Variants in GPC5 observed in about 807,000 individuals in gnomAD.
GPC5 encodes the protein glypican 5, also known as glypican-5.
GPC5 carries 47 observed loss-of-function variants against 53.9 expected under a neutral mutation model. The ratio of observed to expected loss-of-function variants is 0.87; its 90% CI spans 0.69 to 1.11. The LOEUF is 1.11. GPC5 is among the 50% of genes most tolerant of loss of function. GPC5 has a pLI of 0.00. For synonymous variants in GPC5, 286 were observed against 263.3 expected, an observed-to-expected ratio of 1.09 and a Z score of -0.84; for missense variants, 748 against 713.1, an observed-to-expected ratio of 1.05 and a Z score of -0.56.
chr13:91,865,304 T>G (rs1288810280), intron 5 of GPC5, among the ~76,000 whole-genome samples: 4 of 152,184 alleles, frequency 2.6e-5, no homozygotes, highest in African/African-American at 9.7e-5. Context: ...TGAAGAGTTT[T>G]TTTCTTTTCT....
intron 2 of GPC5, among the ~76,000 whole-genome samples, chr13:91,543,402 A>G (rs2030081248): frequency 6.6e-6 from 1 of 152,188 alleles, no homozygotes; most frequent in South Asian, 2.1e-4. Context: ...GTATTTATTT[A>G]TTATGAATTT....
At chr13:92,577,682 G>T (rs962162430) in intron 7 of GPC5, among the ~76,000 whole-genome samples, 5 of 152,026 alleles carry the variant, frequency 3.3e-5, no homozygotes, top group African/African-American at 1.2e-4. Flanking sequence ...TATAAGTTTT[G>T]CTTTCATTTA....
At chr13:91,822,766 GT>G (rs1394804868) in intron 5 of GPC5, among the ~76,000 whole-genome samples, 1 of 152,110 alleles carries the variant, frequency 6.6e-6, no homozygotes, top group Non-Finnish European at 1.5e-5. Context: ...AAAGTTTGCT[GT>G]TGAAGGAGGA....
At chr13:92,382,279 C>T (rs9589532) in intron 7 of GPC5, among the ~76,000 whole-genome samples, 10,645 of 151,822 alleles carry the variant, frequency 0.07, 657 homozygotes, top group African/African-American at 0.17. Context: ...TATACTGCTC[C>T]GGTGATGGGT....
intron 5 of GPC5, among the ~76,000 whole-genome samples, chr13:91,889,317 CATAAA>C (rs1341031782): frequency 2.6e-5 from 4 of 152,076 alleles, no homozygotes; most frequent in African/African-American, 9.7e-5. Flanking sequence ...TATTTCATTT[CATAAA>C]ATAAACTATG....
chr13:91,582,663 G>T (rs1043862219), intron 2 of GPC5, among the ~76,000 whole-genome samples: 2 of 152,090 alleles, frequency 1.3e-5, no homozygotes, highest in Non-Finnish European at 2.9e-5. Flanking sequence ...AAGATCAAAG[G>T]AGGGCAATTA....
intron 7 of GPC5, among the ~76,000 whole-genome samples, chr13:92,848,932 A>G (rs901676888): frequency 1.3e-5 from 2 of 152,154 alleles, no homozygotes; most frequent in African/African-American, 4.8e-5. Flanking sequence ...GAGTGCAAGC[A>G]TAGAAAAATT....
rs1291128678 is a variant in GPC5, at chr13:92,736,283, T to A, written c.1562-129999T>A. On this transcript the variant is annotated intron_variant, in intron 7 of 7. Coordinates refer to ENST00000377067, the MANE Select transcript of GPC5 (RefSeq NM_004466.6). The stretch of plus-strand genomic sequence containing the variant: ...TCACCCAAATATATTCTGCTTTGAG[T>A]AGCCACAGTTACCTTTGTCAGGAAG... Among the ~76,000 whole-genome samples, 4 of 152,024 alleles carry A rather than the reference T, an allele frequency of 2.6e-5. No individual in the cohort carries two copies. In the East Asian group the frequency reaches 7.8e-4, roughly 30 times the overall value.
intron 1 of GPC5, among the ~76,000 whole-genome samples, chr13:91,432,561 T>C (rs906936252): frequency 6.6e-6 from 1 of 152,200 alleles, no homozygotes; most frequent in African/African-American, 2.4e-5. Flanking sequence ...GTGAATATTA[T>C]GTTGACCTTA....
chr13:92,426,915 G>A (rs1876861474), intron 7 of GPC5, among the ~76,000 whole-genome samples: 1 of 151,830 alleles, frequency 6.6e-6, no homozygotes, highest in Admixed American at 6.6e-5. Context: ...GAAAAAGAGA[G>A]AACTAGTTAA....
intron 5 of GPC5, among the ~76,000 whole-genome samples, chr13:91,794,534 T>C (rs1253016295): frequency 6.6e-6 from 1 of 152,236 alleles, no homozygotes; most frequent in Non-Finnish European, 1.5e-5. Flanking sequence ...TCTGATTTTC[T>C]TAAAGATATT....
intron 7 of GPC5, among the ~76,000 whole-genome samples, chr13:92,192,840 A>G (rs910256313): frequency 6.6e-6 from 1 of 152,200 alleles, no homozygotes; most frequent in South Asian, 2.1e-4. Context: ...TACTTTTTTT[A>G]AAATTTGAAA....
At chr13:92,794,958 C>T (rs954415932) in intron 7 of GPC5, among the ~76,000 whole-genome samples, 2 of 152,080 alleles carry the variant, frequency 1.3e-5, no homozygotes, top group Admixed American at 6.6e-5. Flanking sequence ...GACCATACTG[C>T]CCTAGGTAAC....
At chr13:91,404,967 C>G (rs1877210473) in intron 1 of GPC5, among the ~76,000 whole-genome samples, 1 of 152,102 alleles carries the variant, frequency 6.6e-6, no homozygotes, top group East Asian at 1.9e-4. Flanking sequence ...TCTTTATTTC[C>G]CATTTCCCAT....
intron 2 of GPC5, among the ~76,000 whole-genome samples, chr13:91,668,680 T>G (rs1241658110): frequency 6.6e-6 from 1 of 152,200 alleles, no homozygotes; most frequent in Non-Finnish European, 1.5e-5. Flanking sequence ...GAATTTCTCT[T>G]GTCAAATATA....
rs1364829264 is a variant in GPC5, at chr13:92,284,247, AT to A, written c.1561+139259del. Among the ~76,000 whole-genome samples the A allele has an allele frequency of 9.2e-5, 14 of 151,982 alleles. No individual in the cohort carries two copies. The East Asian group carries it at 2.7e-3, about 29-fold the overall frequency. On this transcript the variant is annotated intron_variant, in intron 7 of 7. Transcript: ENST00000377067. ...GGCTCTGAAATTGAGTCAATAATTA[AT>A]AGCCTACCAACCAAAAAAAAGTCCA...
intron 7 of GPC5, among the ~76,000 whole-genome samples, chr13:92,616,708 C>T (rs1884704117): frequency 2.0e-5 from 3 of 152,068 alleles, no homozygotes; most frequent in Admixed American, 6.6e-5. Flanking sequence ...TAAAGATGGG[C>T]ATTTTATGAG....
intron 7 of GPC5, among the ~76,000 whole-genome samples, chr13:92,175,696 C>T (rs966747282): frequency 3.9e-5 from 6 of 151,950 alleles, no homozygotes; most frequent in African/African-American, 1.5e-4. Context: ...TCTTTATTAA[C>T]TGTAACACTG....
At chr13:92,414,181 T>C (rs1876177003) in intron 7 of GPC5, among the ~76,000 whole-genome samples, 2 of 152,264 alleles carry the variant, frequency 1.3e-5, no homozygotes, top group South Asian at 4.1e-4. Context: ...CAGAGACAGA[T>C]AGCAAACTCC....
Sources: gnomAD v4.1 joint callset for allele counts (sites outside exome capture counted in the v4.1 genomes callset) on GRCh38, gnomAD v4.1.1 for gene constraint, MANE v1.5 for transcripts, NCBI Gene and HGNC (gene_info 2026-07-23, HGNC 2026-07-21) for gene names.